Variants in PNPLA6 observed in about 807,000 individuals in gnomAD.
PNPLA6 encodes patatin like domain 6, lysophospholipase, also known as patatin-like phospholipase domain-containing protein 6.
Under a neutral mutation model 153.7 loss-of-function variants are expected in PNPLA6, and 105 were observed. That is an observed-to-expected ratio of 0.68 (90% CI 0.58 to 0.80). The LOEUF (loss-of-function observed/expected upper bound fraction) is 0.80. PNPLA6 is among the 30% of genes least tolerant of loss of function. PNPLA6 has a pLI of 0.00. For missense variants in PNPLA6, 1,423 were observed against 1,919.3 expected (o/e 0.74, Z 4.83); for synonymous variants, 825 against 822.2 (o/e 1.00, Z -0.06).
chr19:7,554,025 G>A lies in PNPLA6; in HGVS notation c.2401+10G>A. The stretch of plus-strand genomic sequence containing the variant: ...GCCCTGCAGGCCATCGGTCAGTGGG[G>A]TGAGGGTCATGGGTGGGGGCTGGCG... On this transcript the variant is annotated intron_variant, in intron 19 of 31. Transcript: ENST00000600737. 2 of 1,599,910 alleles carry A rather than the reference G, an allele frequency of 1.3e-6. No individual in the cohort carries two copies. Among genetic ancestry groups the A allele is most frequent in the South Asian group, 1.1e-5 (1 of 90,884 alleles).
chr19:7,554,731 G>T lies in PNPLA6; in HGVS notation c.2634+8G>T. The T allele has an allele frequency of 6.2e-7, 1 of 1,611,356 alleles. No homozygotes were observed. On this transcript the variant is annotated splice_region_variant and intron_variant, in intron 21 of 31. Coordinates refer to ENST00000600737, the MANE Select transcript of PNPLA6 (RefSeq NM_001166114.2). ...GAGCCTACCCTCGGCCAGGTCGGAA[G>T]CCCGTGCCCCCTGATCTCACCCACC...
Position 7,550,580 on chromosome 19 carries a change from G to C in PNPLA6, c.2010G>C (p.Gln670His). 1.9e-6 allele frequency: 3 copies of C among 1,613,218 alleles called. No homozygotes were observed. The highest frequency in any genetic ancestry group is 2.5e-6 in the Non-Finnish European group (3 of 1,179,922). The change falls in exon 16 of 32, where the codon CAG becomes CAC. Residue 670 changes from glutamine to histidine, a missense_variant. This residue lies in a region of PNPLA6 where 63 missense variants were observed against 166.2 expected (regional missense o/e 0.38). Coordinates refer to ENST00000600737, the MANE Select transcript of PNPLA6 (RefSeq NM_001166114.2). ...VLNGRLRSVI[Q>H]RGSGKKELVG... ...ATGGGCGGCTGCGTAGCGTGATCCA[G>C]CGAGGCAGTGGCAAGAAGGAGCTGG...
chr19:7,535,390 G>A (rs972285773), upstream of PNPLA6: 14 of 786,824 alleles, frequency 1.8e-5, no homozygotes, highest in Non-Finnish European at 2.8e-5. The surrounding 1 kb of genome is among the most constrained non-coding windows in gnomAD (Gnocchi z 5.0). Context: ...GGCAGCTGGA[G>A]ACGCTTCCCC....
At chr19:7,550,928 T>G in intron 16 of PNPLA6, 66 bp from the exon 17 acceptor site, 1 of 1,232,624 alleles carries the variant, frequency 8.1e-7, no homozygotes, top group Non-Finnish European at 1.2e-6. Flanking sequence ...ACAGCCCCCT[T>G]TCCACCCATC....
upstream of PNPLA6, chr19:7,534,286 T>C (rs1163430614): frequency 4.0e-6 from 1 of 250,324 alleles, no homozygotes; most frequent in Non-Finnish European, 7.9e-6. Context: ...CCTTCGAGGG[T>C]CGTTAGCGAG....
intron 13 of PNPLA6, 76 bp from the exon 14 acceptor site, chr19:7,549,831 C>A (rs2023565802): frequency 1.6e-5 from 22 of 1,398,312 alleles, no homozygotes; most frequent in Non-Finnish European, 2.2e-5. Context: ...TAATTTTTTC[C>A]TGTGGGGGCA....
At chr19:7,558,058 A>G (rs984156309) in intron 27 of PNPLA6, among the ~76,000 whole-genome samples, 1 of 152,246 alleles carries the variant, frequency 6.6e-6, no homozygotes, top group Non-Finnish European at 1.5e-5. Flanking sequence ...AACGCATGCC[A>G]GTCTGTCCCG....
In PNPLA6 at chr19:7,550,403, A is replaced by G; in HGVS notation, c.1920A>G (p.Ala640=). 1 of 1,611,842 alleles carries G rather than the reference A, an allele frequency of 6.2e-7. No individual in the cohort carries two copies. ...RQMDFAIDWT[A]VEAGRALYRQ... ...TGGACTTCGCCATCGACTGGACTGCAGTGGAGGCGGGACGCGCGCTGTACA... is the reference window on the plus strand; with the variant it reads ...TGGACTTCGCCATCGACTGGACTGCGGTGGAGGCGGGACGCGCGCTGTACA... Residue 640 remains alanine (A), a synonymous_variant, in exon 15 of 32, where the codon GCA becomes GCG. Transcript: ENST00000600737.
chr19:7,554,305 TG>T, intron 20 of PNPLA6, 33 bp downstream of exon 20: 1 of 1,568,264 alleles, frequency 6.4e-7, no homozygotes, highest in Non-Finnish European at 8.8e-7. Flanking sequence ...GGGAGGGTGG[TG>T]GGTGGGCCTG....
chr19:7,536,615 A>C, intron 3 of PNPLA6, 69 bp downstream of exon 3: 2 of 1,019,710 alleles, frequency 2.0e-6, no homozygotes. Flanking sequence ...ATCAGCTTAC[A>C]CCAAAGTGTT....
chr19:7,536,837 G>C (rs984355783), intron 3 of PNPLA6, among the ~76,000 whole-genome samples: 1 of 143,002 alleles, frequency 7.0e-6, no homozygotes, highest in African/African-American at 2.6e-5. Flanking sequence ...TGAGACAGGA[G>C]AATCACTTGA....
At chr19:7,558,610 C>T (rs544766585) in intron 27 of PNPLA6, among the ~76,000 whole-genome samples, 74 of 152,216 alleles carry the variant, frequency 4.9e-4, no homozygotes, top group African/African-American at 1.7e-3. Context: ...CCAGCCTGGG[C>T]GACAGAGTGA....
At chr19:7,546,696 A>T (rs939857355) in intron 13 of PNPLA6, among the ~76,000 whole-genome samples, 7 of 152,102 alleles carry the variant, frequency 4.6e-5, no homozygotes, top group Admixed American at 3.3e-4. Flanking sequence ...GGCATGAGCC[A>T]CTGCACCCGG....
chr19:7,554,247 C>A lies in PNPLA6; in HGVS notation c.2440C>A (p.Arg814Ser). The A allele has an allele frequency of 6.2e-7, 1 of 1,614,040 alleles. No individual in the cohort carries two copies. The highest frequency in any genetic ancestry group is 1.1e-5 in the South Asian group (1 of 91,080). The change falls in exon 20 of 32, where the codon CGC (arginine) becomes AGC (serine). Residue 814 changes from arginine to serine, a missense_variant. Transcript: ENST00000600737. ...LLLNSDIIRA[R>S]LGASALDSIQ... is the part of the protein sequence containing the mutation. ...CCTTAACAGTGACATCATCCGGGCACGCCTGGGGGCCTCCGCACTGGATAG... is the reference window on the plus strand; with the variant it reads ...CCTTAACAGTGACATCATCCGGGCAAGCCTGGGGGCCTCCGCACTGGATAG...
Position 7,555,540 on chromosome 19 carries a change from G to A in PNPLA6, c.2937-67G>A. The A allele has an allele frequency of 6.4e-7, 1 of 1,558,514 alleles. No individual in the cohort carries two copies. Among genetic ancestry groups the A allele is most frequent in the African/African-American group, 1.4e-5 (1 of 73,968 alleles). ...TCCTTAGCAGTGCGGGAGGTGGGAG[G>A]AGGTAGGGGCAGGGGAGTTCCTGCA... On this transcript the variant is annotated intron_variant, in intron 23 of 31. Transcript: ENST00000600737. This position sits in a 1 kb window ranked among gnomAD's most constrained non-coding sequence, Gnocchi z 6.3.
rs2023067102 is a variant in PNPLA6 at position 7,540,229 on chromosome 19, A to T, written c.635A>T (p.Tyr212Phe). The change falls in exon 5 of 32, where the codon TAC becomes TTC. Residue 212 changes from tyrosine (Y) to phenylalanine (F), a missense_variant. Transcript: ENST00000600737. This position sits in a 1 kb window ranked among gnomAD's most constrained non-coding sequence, Gnocchi z 6.8. Reference protein sequence around the residue: ...MVFQRLGQGDYVFRPGQPDAS... With the variant: ...MVFQRLGQGDFVFRPGQPDAS... ...TTCCAGCGGCTGGGCCAGGGTGACT[A>T]CGTCTTCCGGCCGGGCCAGCCAGAT... 6.2e-7 allele frequency: 1 copy of T among 1,609,676 alleles called. No individual in the cohort carries two copies. The highest frequency in any genetic ancestry group is 8.5e-7 in the Non-Finnish European group (1 of 1,179,970).
At chr19:7,556,309 C>A in intron 24 of PNPLA6, 144 bp from the exon 25 acceptor site, 1 of 751,712 alleles carries the variant, frequency 1.3e-6, no homozygotes, top group South Asian at 1.4e-5. Flanking sequence ...GTGATCTGCC[C>A]GCCTTGGCCT....
chr19:7,545,862 A>G (rs2023364232), intron 13 of PNPLA6, among the ~76,000 whole-genome samples: 1 of 145,940 alleles, frequency 6.9e-6, no homozygotes, highest in Admixed American at 7.3e-5. Context: ...GTGAGCTGAG[A>G]TCGCACCCCT....
intron 13 of PNPLA6, among the ~76,000 whole-genome samples, chr19:7,547,027 C>A (rs1056562527): frequency 6.6e-6 from 1 of 151,962 alleles, no homozygotes; most frequent in East Asian, 1.9e-4. Flanking sequence ...GTCTCAGCCT[C>A]CTGAGTAGCT....
Sources: allele counts gnomAD v4.1 joint callset (sites outside exome capture counted in the v4.1 genomes callset), GRCh38; gene constraint gnomAD v4.1.1; regional missense constraint gnomAD v4.1.1; non-coding constraint Gnocchi (gnomAD v3.1); transcripts MANE v1.5; gene names NCBI Gene and HGNC (gene_info 2026-07-23, HGNC 2026-07-21).